Variants in LITAF observed in about 807,000 individuals in gnomAD.
LITAF encodes the protein lipopolysaccharide-induced tumor necrosis factor-alpha factor.
Under a neutral mutation model 14.5 loss-of-function variants are expected in LITAF, and 9 were observed. The ratio of observed to expected loss-of-function variants is 0.62; its 90% CI spans 0.37 to 1.08. The LOEUF (loss-of-function observed/expected upper bound fraction) is 1.08, where lower values mean the gene tolerates loss of function less well. Among genes scored for constraint, LITAF ranks in the 50% least tolerant of loss-of-function variants. LITAF has a pLI of 0.01. For missense variants in LITAF, 206 were observed against 213.4 expected (o/e 0.97, Z 0.22); for synonymous variants, 98 against 88.2 (o/e 1.11, Z -0.62).
rs1307011138 is a variant in LITAF, at chr16:11,558,222, CA to C, written c.-5-1488del. 6.6e-6 allele frequency among the ~76,000 whole-genome samples: 1 copy of C among 152,178 alleles called. No individual in the cohort carries two copies. The highest frequency in any genetic ancestry group is 6.5e-5 in the Admixed American group (1 of 15,278). ...CTTCTCAGAAGCCCTGCCTCTAAAC[CA>C]AGCCCCAAAGAGGAGACTTCTCTGG... is the stretch of plus-strand genomic sequence containing the variant. On this transcript the variant is annotated intron_variant, in intron 1 of 3. Transcript: ENST00000622633. This position sits in a 1 kb window ranked among gnomAD's most constrained non-coding sequence, Gnocchi z 4.1.
Position 11,553,959 on chromosome 16 carries a change from G to A in LITAF, c.221-270C>T, listed in dbSNP as rs754253282. Among the ~76,000 whole-genome samples, 19 of 152,114 alleles carry A rather than the reference G, an allele frequency of 1.2e-4. No individual in the cohort carries two copies. Among genetic ancestry groups the A allele is most frequent in the South Asian group, 2.1e-4 (1 of 4,824 alleles). ...TCAAAAAGAAAGGAGGACCGGGCGC[G>A]GTAGCTCATGCCTGTAATCCCAACA... On this transcript the variant is annotated intron_variant, in intron 2 of 3. Coordinates refer to ENST00000622633, the MANE Select transcript of LITAF (RefSeq NM_001136472.2). The surrounding 1 kb of genome is among the most constrained non-coding windows in gnomAD (Gnocchi z 7.7).
intron 1 of LITAF, among the ~76,000 whole-genome samples, chr16:11,575,991 C>T (rs1246932841): frequency 6.6e-6 from 1 of 152,180 alleles, no homozygotes; most frequent in Admixed American, 6.5e-5. Context: ...AGTGATCCTC[C>T]CACTTCAGCC....
At chr16:11,596,798 A>T (rs2064891768) in intron 1 of LITAF, among the ~76,000 whole-genome samples, 2 of 75,314 alleles carry the variant, frequency 2.7e-5, no homozygotes. Flanking sequence ...GAGAGGGGGA[A>T]GGGACAGGAG....
chr16:11,635,464 G>T (rs1276379633), intron 2 of LITAF, among the ~76,000 whole-genome samples: 1 of 152,140 alleles, frequency 6.6e-6, no homozygotes, highest in Non-Finnish European at 1.5e-5. Context: ...CCTGGGAGTG[G>T]CCATGGGGAC....
intron 3 of LITAF, among the ~76,000 whole-genome samples, chr16:11,633,034 T>C (rs2141909921): frequency 6.6e-6 from 1 of 152,208 alleles, no homozygotes; most frequent in East Asian, 1.9e-4. Flanking sequence ...AGGCCCTACT[T>C]TGGGGCCTGG....
In LITAF at chr16:11,558,094, C is replaced by T. The variant is rs1043325545; in HGVS notation, c.-5-1359G>A. Among the ~76,000 whole-genome samples, 2 of 152,132 alleles carry T rather than the reference C, an allele frequency of 1.3e-5. No homozygotes were observed. The highest frequency in any genetic ancestry group is 2.9e-5 in the Non-Finnish European group (2 of 68,018). On this transcript the variant is annotated intron_variant, in intron 1 of 3. Transcript: ENST00000622633. The surrounding 1 kb of genome is among the most constrained non-coding windows in gnomAD (Gnocchi z 4.1). ...GAAATGAGGCTCCGGGGCAGCGAGC[C>T]ACAACCACCACTCCCCTCTCCCGAC...
chr16:11,613,712 G>C (rs2064998099), intron 3 of LITAF, among the ~76,000 whole-genome samples: 1 of 152,210 alleles, frequency 6.6e-6, no homozygotes, highest in African/African-American at 2.4e-5. Flanking sequence ...AGCACAGCCG[G>C]ACGGAGGGTG....
rs1019891531 is a variant in LITAF, at chr16:11,632,566, G to A, written c.85+967C>T. On this transcript the variant is annotated intron_variant, in intron 3 of 3. Transcript: ENST00000574848. This position sits in a 1 kb window ranked among gnomAD's most constrained non-coding sequence, Gnocchi z 4.8. ...CAGATCACTGCCAGCCGGCCCCTGTGGGCTCTTTGGCCTGCGCTCCCTGGC... is the reference window on the plus strand; with the variant it reads ...CAGATCACTGCCAGCCGGCCCCTGTAGGCTCTTTGGCCTGCGCTCCCTGGC... Among the ~76,000 whole-genome samples the A allele has an allele frequency of 1.3e-5, 2 of 152,230 alleles. No homozygotes were observed. Among genetic ancestry groups the A allele is most frequent in the African/African-American group, 4.8e-5 (2 of 41,472 alleles).
rs191716512 is a variant in LITAF, at chr16:11,630,412, G to T, written c.85+3121C>A. Among the ~76,000 whole-genome samples the T allele has an allele frequency of 4.5e-4, 68 of 152,124 alleles. No individual in the cohort carries two copies. The East Asian group carries it at 7.9e-3, about 18-fold the overall frequency. On this transcript the variant is annotated intron_variant, in intron 3 of 3. Coordinates refer to the LITAF transcript ENST00000574848. Reference sequence around the variant, plus strand: ...CCCTGATGACAAATCCCAGCCTCCCGCAGGCCCTGCTCTGGCGGGGACACC... The same window carrying T: ...CCCTGATGACAAATCCCAGCCTCCCTCAGGCCCTGCTCTGGCGGGGACACC...
At chr16:11,617,616 G>A (rs921690656) in intron 3 of LITAF, among the ~76,000 whole-genome samples, 10 of 151,340 alleles carry the variant, frequency 6.6e-5, no homozygotes, top group Non-Finnish European at 1.3e-4. Flanking sequence ...TAGTAGAGAC[G>A]GGGTTTCACC....
intron 2 of LITAF, among the ~76,000 whole-genome samples, chr16:11,554,031 G>T (rs1037813274): frequency 4.6e-5 from 7 of 152,048 alleles, no homozygotes; most frequent in African/African-American, 1.7e-4. Flanking sequence ...AGGAGTTTGA[G>T]ATCAGCCTAG....
At position 11,556,318 on chromosome 16, in the gene LITAF, A is replaced by G. The variant is rs1330985988; in HGVS notation, c.220+193T>C. ...TGGGAAAGATCCTAAACCATACTTT[A>G]TTACGGAAAAGCTGTGAGCCTCACC... On this transcript the variant is annotated intron_variant, in intron 2 of 3. Transcript: ENST00000622633. 3 of 601,792 alleles carry G rather than the reference A, an allele frequency of 5.0e-6. No individual in the cohort carries two copies. In the East Asian group the frequency reaches 8.3e-5, roughly 17 times the overall value. The allele number at this position is 601,792 out of a possible 1,614,324, so 37.3% of individuals were successfully genotyped here.
At chr16:11,600,901 G>A (rs186087491), upstream of LITAF, among the ~76,000 whole-genome samples, 703 of 152,096 alleles carry the variant, frequency 4.6e-3, 2 homozygotes, top group South Asian at 7.5e-3. This position sits in a 1 kb window ranked among gnomAD's most constrained non-coding sequence, Gnocchi z 4.1. Flanking sequence ...ACAAGAGCTC[G>A]GGAACTGCCA....
upstream of LITAF, among the ~76,000 whole-genome samples, chr16:11,590,507 C>T (rs1160023952): frequency 8.5e-6 from 1 of 117,214 alleles, no homozygotes; most frequent in Non-Finnish European, 1.7e-5. Flanking sequence ...ATATTCAATA[C>T]TTTGTGATAA....
chr16:11,618,332 G>A (rs1178254467), intron 3 of LITAF, among the ~76,000 whole-genome samples: 2 of 152,204 alleles, frequency 1.3e-5, no homozygotes, highest in East Asian at 1.9e-4. Flanking sequence ...CTGGCAAGGC[G>A]GGAGGAGAGC....
Position 11,586,286 on chromosome 16 carries a change from C to G in LITAF, c.-6+600G>C, listed in dbSNP as rs1401449516. ...CCTAGGGGCCACGGCCCGCTTCGCTCTCTGATTTTCACCTCCCCAGGGTCT... is the reference window on the plus strand; with the variant it reads ...CCTAGGGGCCACGGCCCGCTTCGCTGTCTGATTTTCACCTCCCCAGGGTCT... On this transcript the variant is annotated intron_variant, in intron 1 of 3. Transcript: ENST00000622633. The surrounding 1 kb of genome is among the most constrained non-coding windows in gnomAD (Gnocchi z 6.5). The G allele has an allele frequency of 6.6e-6, 1 of 152,376 alleles. No homozygotes were observed. The highest frequency in any genetic ancestry group is 1.9e-4 in the East Asian group (1 of 5,154). The allele number at this position is 152,376 out of a possible 1,614,324, so 9.4% of individuals were successfully genotyped here.
At chr16:11,576,966 T>C (rs2064646400) in intron 1 of LITAF, among the ~76,000 whole-genome samples, 1 of 152,190 alleles carries the variant, frequency 6.6e-6, no homozygotes. Context: ...TTACGGATAA[T>C]GTGGGAACAG....
At chr16:11,566,157 A>G (rs1228238854) in intron 1 of LITAF, among the ~76,000 whole-genome samples, 1 of 152,128 alleles carries the variant, frequency 6.6e-6, no homozygotes, top group African/African-American at 2.4e-5. Flanking sequence ...TATTTGTCAT[A>G]AAGCAGTTTT....
intron 3 of LITAF, among the ~76,000 whole-genome samples, chr16:11,626,173 A>G (rs2141900174): frequency 6.6e-6 from 1 of 152,238 alleles, no homozygotes; most frequent in South Asian, 2.1e-4. Context: ...CTTTAAAAAA[A>G]CAAAACGAAC....
Sources: gnomAD v4.1 joint callset for allele counts (sites outside exome capture counted in the v4.1 genomes callset) on GRCh38, gnomAD v4.1.1 for gene constraint, Gnocchi (gnomAD v3.1) non-coding constraint, MANE v1.5 for transcripts, NCBI Gene and HGNC (gene_info 2026-07-23, HGNC 2026-07-21) for gene names.